The following TOX2 variants were observed in gnomAD, a reference collection of about 807,000 sequenced individuals.
TOX2 encodes granulosa cell HMG box 1.
TOX2 carries 15 observed loss-of-function variants against 47.4 expected under a neutral mutation model. The observed-to-expected ratio is 0.32, with a 90% CI of 0.21 to 0.49. The LOEUF (loss-of-function observed/expected upper bound fraction) is 0.49, where lower values mean the gene tolerates loss of function less well. TOX2 is among the 20% of genes least tolerant of loss of function. The pLI is 0.99. For synonymous variants in TOX2, 290 were observed against 296.6 expected, an observed-to-expected ratio of 0.98 and a Z score of 0.23; for missense variants, 622 against 673.1, an observed-to-expected ratio of 0.92 and a Z score of 0.84.
At chr20:44,058,550 T>C (rs1162570758) in intron 5 of TOX2, among the ~76,000 whole-genome samples, 1 of 152,228 alleles carries the variant, frequency 6.6e-6, no homozygotes, top group East Asian at 1.9e-4. Context: ...CTGCAGCTGA[T>C]GTGCTCTAGA....
At chr20:44,067,599 CTAGTCCTCCT>C (rs954477123) in intron 8 of TOX2, among the ~76,000 whole-genome samples, 35 of 152,050 alleles carry the variant, frequency 2.3e-4, no homozygotes, top group African/African-American at 8.5e-4. Context: ...AGTGTCCTCC[CTAGTCCTCCT>C]GTGGGCCTCC....
In TOX2 at chr20:44,033,099, A is replaced by C. The variant is rs988176571; in HGVS notation, c.412-18207A>C. On this transcript the variant is annotated intron_variant, in intron 3 of 8. Transcript: ENST00000341197. ...CTATTATTCTGAACAAGACATCTAC[A>C]TTTCAGGAGAAATTTGTCAGCGTGC... Among the ~76,000 whole-genome samples, 20 of 152,318 alleles carry C rather than the reference A, an allele frequency of 1.3e-4. No homozygotes were observed. The East Asian group carries it at 1.7e-3, about 13-fold the overall frequency.
chr20:43,923,283 G>T (rs1053987913), intron 1 of TOX2, among the ~76,000 whole-genome samples: 1 of 152,148 alleles, frequency 6.6e-6, no homozygotes, highest in Non-Finnish European at 1.5e-5. Flanking sequence ...GCATCACATT[G>T]CTGGATTCTG....
chr20:44,022,317 T>A (rs79195241), intron 3 of TOX2, among the ~76,000 whole-genome samples: 2,228 of 152,206 alleles, frequency 0.015, 47 homozygotes, highest in African/African-American at 0.051. Flanking sequence ...TTTTTTTTTG[T>A]GTGTGTAAAA....
intron 3 of TOX2, among the ~76,000 whole-genome samples, chr20:44,029,728 A>G (rs1166070992): frequency 6.6e-6 from 1 of 152,106 alleles, no homozygotes; most frequent in Non-Finnish European, 1.5e-5. Flanking sequence ...TTGTCCTGTG[A>G]CACCTGCTTA....
intron 1 of TOX2, among the ~76,000 whole-genome samples, chr20:43,937,688 C>A (rs916795276): frequency 1.3e-5 from 2 of 152,130 alleles, no homozygotes; most frequent in Admixed American, 1.3e-4. Flanking sequence ...CCTAAGCCAG[C>A]CTCTACGTCC....
At chr20:44,054,266 T>G (rs1289820461) in intron 4 of TOX2, 33 bp from the exon 5 acceptor site, 1 of 1,574,666 alleles carries the variant, frequency 6.4e-7, no homozygotes, top group South Asian at 1.2e-5. Flanking sequence ...CCCTTGGGCT[T>G]CTTTGGTTTT....
chr20:44,002,407 A>G (rs1056340736), intron 2 of TOX2, among the ~76,000 whole-genome samples: 4 of 152,214 alleles, frequency 2.6e-5, no homozygotes, highest in African/African-American at 2.4e-5. Flanking sequence ...CAGCAAGGAT[A>G]GCAATAACTA....
intron 2 of TOX2, among the ~76,000 whole-genome samples, chr20:43,993,226 A>T (rs1341259078): frequency 6.6e-6 from 1 of 152,164 alleles, no homozygotes; most frequent in Non-Finnish European, 1.5e-5. Flanking sequence ...ACATCAGCTA[A>T]TGGGAGTATC....
intron 3 of TOX2, among the ~76,000 whole-genome samples, chr20:44,034,266 C>T (rs906788225): frequency 6.6e-5 from 10 of 151,988 alleles, no homozygotes; most frequent in Non-Finnish European, 1.5e-4. Context: ...GGAAAGGCTT[C>T]CTGGCTGTCC....
rs565568864 is a variant in TOX2 at position 43,925,529 on chromosome 20, A to G, written c.99+10539A>G. Among the ~76,000 whole-genome samples the G allele has an allele frequency of 3.3e-5, 5 of 152,258 alleles. No individual in the cohort carries two copies. The East Asian group carries it at 9.6e-4, about 29-fold the overall frequency. On this transcript the variant is annotated intron_variant, in intron 1 of 8. Transcript: ENST00000341197. Reference sequence around the variant, plus strand: ...TCTCCCAGGCAGATTTCTCATTTCAATTAGAGAATTCTTCTGGTTGGCATT... The same window carrying G: ...TCTCCCAGGCAGATTTCTCATTTCAGTTAGAGAATTCTTCTGGTTGGCATT...
intron 2 of TOX2, among the ~76,000 whole-genome samples, chr20:43,991,816 G>A (rs991238188): frequency 6.6e-6 from 1 of 151,994 alleles, no homozygotes; most frequent in African/African-American, 2.4e-5. Flanking sequence ...GATCATTTTT[G>A]TATTTTTAGT....
chr20:43,936,978 G>A (rs2069334486), intron 1 of TOX2, among the ~76,000 whole-genome samples: 1 of 152,184 alleles, frequency 6.6e-6, no homozygotes, highest in Admixed American at 6.5e-5. Flanking sequence ...ACTGTGGCAG[G>A]GAACAAGACA....
At chr20:43,923,578 G>T (rs1050455592) in intron 1 of TOX2, among the ~76,000 whole-genome samples, 5 of 152,204 alleles carry the variant, frequency 3.3e-5, no homozygotes, top group Non-Finnish European at 7.3e-5. Flanking sequence ...ACTAGAACGT[G>T]GCAGGATTGT....
chr20:44,023,088 A>G (rs1235650052), intron 3 of TOX2, among the ~76,000 whole-genome samples: 2 of 151,230 alleles, frequency 1.3e-5, no homozygotes, highest in Admixed American at 1.3e-4. Flanking sequence ...GATGGGAAGG[A>G]GGGAGGAAAG....
intron 2 of TOX2, among the ~76,000 whole-genome samples, chr20:43,978,838 G>C (rs958743432): frequency 6.6e-6 from 1 of 151,256 alleles, no homozygotes; most frequent in East Asian, 1.9e-4. Context: ...CATCAGATTT[G>C]CAGTCTTAAA....
intron 1 of TOX2, among the ~76,000 whole-genome samples, chr20:43,949,870 C>A (rs965559068): frequency 1.3e-5 from 2 of 152,146 alleles, no homozygotes. Flanking sequence ...CACCTTTATT[C>A]TCACACGTGC....
At chr20:43,960,453 G>A (rs367680920) in intron 1 of TOX2, among the ~76,000 whole-genome samples, 9 of 152,302 alleles carry the variant, frequency 5.9e-5, no homozygotes, top group Admixed American at 3.3e-4. Context: ...GCCTCAAACT[G>A]GGACACCTCT....
At chr20:43,951,963 C>A (rs1477153905) in intron 1 of TOX2, among the ~76,000 whole-genome samples, 2 of 151,882 alleles carry the variant, frequency 1.3e-5, no homozygotes, top group African/African-American at 4.8e-5. Context: ...GTGGTGCGAT[C>A]TTGGCTCACT....
Sources: gnomAD v4.1 joint callset for allele counts (sites outside exome capture counted in the v4.1 genomes callset) on GRCh38, gnomAD v4.1.1 for gene constraint, MANE v1.5 for transcripts, NCBI Gene and HGNC (gene_info 2026-07-23, HGNC 2026-07-21) for gene names.